Variants in SCN3A observed in about 807,000 individuals in gnomAD.
The protein encoded by SCN3A is sodium channel protein type 3 subunit alpha.
A neutral mutation model predicts 187.6 loss-of-function variants in SCN3A; 60 were observed. The observed-to-expected ratio is 0.32, with a 90% CI of 0.26 to 0.40. The LOEUF (loss-of-function observed/expected upper bound fraction) is 0.40. SCN3A is among the 10% of genes least tolerant of loss of function. The pLI, the probability that SCN3A is intolerant of heterozygous loss-of-function variation, is 1.00. For missense variants in SCN3A, 1,601 were observed against 2,428.2 expected, an observed-to-expected ratio of 0.66 and a Z score of 7.16; for synonymous variants, 788 against 829.2, an observed-to-expected ratio of 0.95 and a Z score of 0.85.
chr2:165,109,814 T>G (rs1028415177), intron 21 of SCN3A, among the ~76,000 whole-genome samples: 2 of 152,232 alleles, frequency 1.3e-5, no homozygotes, highest in Non-Finnish European at 2.9e-5. Flanking sequence ...ACATATATGA[T>G]GTATAGTAAA....
Position 165,100,383 on chromosome 2 carries a change from T to C in SCN3A, c.3885A>G (p.Ser1295=). Residue 1295 remains serine, a synonymous_variant, in exon 22 of 28, where the codon TCA becomes TCG. Transcript: ENST00000283254. Reference sequence around the variant, plus strand: ...GTAATGATTTGATGGCACCGAGTTCTGAGTAGCCAAGAGCATTGGCTACCA... The same window carrying C: ...GTAATGATTTGATGGCACCGAGTTCCGAGTAGCCAAGAGCATTGGCTACCA... The part of the protein sequence containing the change: ...VSLVANALGY[S]ELGAIKSLRT... 6.2e-7 allele frequency: 1 copy of C among 1,613,946 alleles called. No individual in the cohort carries two copies. Among genetic ancestry groups the C allele is most frequent in the Non-Finnish European group, 8.5e-7 (1 of 1,179,878 alleles).
In SCN3A at chr2:165,127,951, A is replaced by G; in HGVS notation, c.3073T>C (p.Cys1025Arg). 11 of 1,613,890 alleles carry G rather than the reference A, an allele frequency of 6.8e-6. No individual in the cohort carries two copies. The highest frequency in any genetic ancestry group is 9.3e-6 in the Non-Finnish European group (11 of 1,179,972). Residue 1025 changes from cysteine to arginine, a missense_variant, in exon 18 of 28, where the codon TGT becomes CGT. Around this residue, in one of 11 missense-constraint regions of SCN3A, gnomAD observed 267 missense variants for 313.2 expected, o/e 0.85. Transcript: ENST00000283254. ...TTTCTAAAAAAGGCTTTTTGGAAAC[A>G]CTCCCGCATCTTATTTTTCACATAA... Reference protein sequence around the residue: ...IDYVKNKMRECFQKAFFRKPK... With the variant: ...IDYVKNKMRERFQKAFFRKPK...
intron 23 of SCN3A, 69 bp downstream of exon 23, chr2:165,097,183 A>G: frequency 6.4e-7 from 1 of 1,573,112 alleles, no homozygotes; most frequent in Non-Finnish European, 8.7e-7. Context: ...CAAACGAAGA[A>G]CATCAGGGAA....
intron 18 of SCN3A, among the ~76,000 whole-genome samples, chr2:165,120,004 C>G (rs1464067839): frequency 6.6e-6 from 1 of 152,148 alleles, no homozygotes; most frequent in Non-Finnish European, 1.5e-5. Flanking sequence ...TTTTATGGCA[C>G]TTAAAGGTTA....
intron 21 of SCN3A, among the ~76,000 whole-genome samples, chr2:165,108,970 C>A (rs1195062747): frequency 7.2e-5 from 11 of 152,096 alleles, no homozygotes; most frequent in Non-Finnish European, 1.5e-5. Context: ...TATTTTCTGT[C>A]ATCCACAACA....
At chr2:165,191,265 C>G (rs1691594023) in intron 1 of SCN3A, among the ~76,000 whole-genome samples, 1 of 151,950 alleles carries the variant, frequency 6.6e-6, no homozygotes, top group Non-Finnish European at 1.5e-5. Context: ...CTTTCAGTCT[C>G]CCTGCTGCCA....
intron 3 of SCN3A, among the ~76,000 whole-genome samples, chr2:165,173,636 G>A (rs1025170303): frequency 6.6e-6 from 1 of 152,104 alleles, no homozygotes; most frequent in African/African-American, 2.4e-5. Flanking sequence ...ATTAATGATG[G>A]TAAAGAGTTA....
At position 165,092,310 on chromosome 2, in the gene SCN3A, T is replaced by A. The variant is rs779879796; in HGVS notation, c.4751A>T (p.Tyr1584Phe). The change falls in exon 27 of 28, where the codon TAC becomes TTC. Residue 1584 changes from tyrosine (Y) to phenylalanine (F), a missense_variant. By Grantham distance (22) the Tyr-to-Phe change is conservative. Coordinates refer to ENST00000283254, the MANE Select transcript of SCN3A (RefSeq NM_006922.4). The surrounding 1 kb of genome is among the most constrained non-coding windows in gnomAD (Gnocchi z 4.2). Reference protein sequence around the residue: ...VLKLVSLRHYYFTIGWNIFDF... With the variant: ...VLKLVSLRHYFFTIGWNIFDF... ...AAAGATGTTCCAGCCTATAGTGAAG[T>A]AGTAGTGTCTGAGGGAGACGAGCTT... is the stretch of plus-strand genomic sequence containing the variant. 1 of 1,613,904 alleles carries A rather than the reference T, an allele frequency of 6.2e-7. No homozygotes were observed. Among genetic ancestry groups the A allele is most frequent in the Admixed American group, 1.7e-5 (1 of 59,968 alleles).
chr2:165,202,821 T>G (rs1692403631), intron 1 of SCN3A, among the ~76,000 whole-genome samples: 1 of 152,030 alleles, frequency 6.6e-6, no homozygotes, highest in Non-Finnish European at 1.5e-5. Context: ...CCTTTATCTT[T>G]GTCCTCATAA....
chr2:165,152,098 A>G (rs1238173365), intron 11 of SCN3A, among the ~76,000 whole-genome samples: 1 of 152,210 alleles, frequency 6.6e-6, no homozygotes, highest in Non-Finnish European at 1.5e-5. Flanking sequence ...GGAATACAAA[A>G]ATATCCAGCA....
rs553270462 is a variant in SCN3A at position 165,170,568 on chromosome 2, T to A, written c.265-20A>T. ...AAAAGTCTGAAAAAGAAAATACGAG[T>A]AAAATTACTAAATTAGACATGGGCT... is the stretch of plus-strand genomic sequence containing the variant. On this transcript the variant is annotated intron_variant, in intron 3 of 27. Transcript: ENST00000283254. The A allele has an allele frequency of 3.6e-6, 5 of 1,371,228 alleles. No homozygotes were observed. In the African/African-American group the frequency reaches 7.1e-5, roughly 20 times the overall value. 84.9% of individuals were successfully genotyped at this position (1,371,228 alleles called of 1,614,324 possible). A position where few individuals can be genotyped will look rare whatever the true frequency, so the allele number is the denominator to read the frequency against.
Position 165,139,563 on chromosome 2 carries a change from A to G in SCN3A, c.2065T>C (p.Tyr689His), listed in dbSNP as rs772150521. 6.2e-7 allele frequency: 1 copy of G among 1,613,632 alleles called. No individual in the cohort carries two copies. The highest frequency in any genetic ancestry group is 1.7e-5 in the Admixed American group (1 of 59,972). ...TCCAGCATCTCCATTGAAATCTGGT[A>G]AGAGCTTAACCTTCTCTTTCTGACT... is the stretch of plus-strand genomic sequence containing the variant. Reference protein sequence around the residue: ...TEVRKRRLSSYQISMEMLEDS... With the variant: ...TEVRKRRLSSHQISMEMLEDS... Residue 689 changes from tyrosine (Y) to histidine (H), a missense_variant, in exon 14 of 28, where the codon TAC (tyrosine) becomes CAC (histidine). Transcript: ENST00000283254.
chr2:165,104,660 A>G (rs1685764531), intron 21 of SCN3A, among the ~76,000 whole-genome samples: 1 of 152,082 alleles, frequency 6.6e-6, no homozygotes, highest in South Asian at 2.1e-4. Context: ...TCAATATGAA[A>G]AATTTATACA....
intron 1 of SCN3A, among the ~76,000 whole-genome samples, chr2:165,193,796 A>G (rs1298614642): frequency 6.6e-6 from 1 of 152,128 alleles, no homozygotes; most frequent in African/African-American, 2.4e-5. Context: ...CTCCTTTGAG[A>G]TTTAAAATAC....
chr2:165,122,714 A>G (rs922107886), intron 18 of SCN3A: 6 of 152,200 alleles, frequency 3.9e-5, no homozygotes, highest in African/African-American at 1.4e-4. Flanking sequence ...CAAGTCTAGC[A>G]CTTCCTTGCC....
intron 9 of SCN3A, 148 bp downstream of exon 9, chr2:165,162,160 A>G (rs1689437411): frequency 1.4e-6 from 1 of 711,194 alleles, no homozygotes; most frequent in Non-Finnish European, 2.4e-6. Context: ...CAATCCGGTA[A>G]GGCAGACAAG....
chr2:165,101,323 G>A (rs1265898997), intron 21 of SCN3A, among the ~76,000 whole-genome samples: 2 of 151,936 alleles, frequency 1.3e-5, no homozygotes, highest in Non-Finnish European at 1.5e-5. Context: ...CTTTTTTGGG[G>A]GAGGAAGTTT....
intron 21 of SCN3A, among the ~76,000 whole-genome samples, chr2:165,106,428 GATTC>G (rs1243923800): frequency 6.6e-6 from 1 of 152,152 alleles, no homozygotes; most frequent in Admixed American, 6.6e-5. Flanking sequence ...GTGCAATTTT[GATTC>G]ATTGTGAGCA....
intron 12 of SCN3A, among the ~76,000 whole-genome samples, chr2:165,143,507 G>C (rs996594012): frequency 2.0e-5 from 3 of 152,116 alleles, no homozygotes; most frequent in Non-Finnish European, 4.4e-5. Context: ...GGGTGTGAGC[G>C]CAGCTTTCAA....
Sources: allele counts gnomAD v4.1 joint callset (sites outside exome capture counted in the v4.1 genomes callset), GRCh38; gene constraint gnomAD v4.1.1; regional missense constraint gnomAD v4.1.1; non-coding constraint Gnocchi (gnomAD v3.1); transcripts MANE v1.5; gene names NCBI Gene and HGNC (gene_info 2026-07-23, HGNC 2026-07-21).